Variants in WWP2 observed in about 807,000 individuals in gnomAD.
The protein encoded by WWP2 is WW domain containing E3 ubiquitin protein ligase 2.
WWP2 carries 57 observed loss-of-function variants against 121.0 expected under a neutral mutation model. The observed-to-expected ratio is 0.47, with a 90% CI of 0.38 to 0.59. The LOEUF (loss-of-function observed/expected upper bound fraction) is 0.59. Ranked by LOEUF, WWP2 falls within the 20% of genes least tolerant of loss-of-function variation. The pLI, the probability that WWP2 is intolerant of heterozygous loss-of-function variation, is 0.00. For synonymous variants in WWP2, 449 were observed against 441.3 expected, an observed-to-expected ratio of 1.02 and a Z score of -0.22; for missense variants, 962 against 1,158.9, an observed-to-expected ratio of 0.83 and a Z score of 2.47.
At chr16:69,931,475 T>A in intron 14 of WWP2, 34 bp from the exon 15 acceptor site, 1 of 1,612,122 alleles carries the variant, frequency 6.2e-7, no homozygotes, top group Non-Finnish European at 8.5e-7. Flanking sequence ...CACTTGAGGC[T>A]CGATTTAAAG....
chr16:69,828,849 A>G (rs2056747984), intron 4 of WWP2, among the ~76,000 whole-genome samples: 1 of 151,816 alleles, frequency 6.6e-6, no homozygotes, highest in Non-Finnish European at 1.5e-5. Context: ...CTTCCTCTCT[A>G]TGCAAACCAC....
At chr16:69,923,173 A>G (rs1221026336) in intron 10 of WWP2, among the ~76,000 whole-genome samples, 1 of 152,060 alleles carries the variant, frequency 6.6e-6, no homozygotes, top group Non-Finnish European at 1.5e-5. Context: ...CACCAGCCTG[A>G]GCCACGGCAC....
At chr16:69,785,186 T>C (rs1192125813) in intron 1 of WWP2, among the ~76,000 whole-genome samples, 1 of 149,562 alleles carries the variant, frequency 6.7e-6, no homozygotes, top group African/African-American at 2.5e-5. Context: ...TGAGCCGAGA[T>C]TGTGCTACTG....
chr16:69,809,724 C>CT (rs923711667), intron 4 of WWP2, among the ~76,000 whole-genome samples: 2 of 151,604 alleles, frequency 1.3e-5, no homozygotes, highest in Non-Finnish European at 2.9e-5. Flanking sequence ...GCCGAGATTG[C>CT]GCCATTGGAT....
At chr16:69,889,637 G>A (rs904117107) in intron 8 of WWP2, among the ~76,000 whole-genome samples, 1 of 152,182 alleles carries the variant, frequency 6.6e-6, no homozygotes, top group South Asian at 2.1e-4. Context: ...CCGAGTGGTT[G>A]TGAAGGGGCC....
At chr16:69,849,809 TA>T (rs141237458) in intron 6 of WWP2, among the ~76,000 whole-genome samples, 47 of 149,814 alleles carry the variant, frequency 3.1e-4, no homozygotes, top group African/African-American at 6.9e-4. Flanking sequence ...CCCTGTCTCT[TA>T]AAAAAAAAAT....
chr16:69,912,416 C>G (rs2058394058), intron 9 of WWP2, among the ~76,000 whole-genome samples: 1 of 148,686 alleles, frequency 6.7e-6, no homozygotes, highest in Non-Finnish European at 1.5e-5. Context: ...CACACAGCCT[C>G]ATGACTGCCT....
intron 9 of WWP2, chr16:69,909,398 C>T (rs1567424322): frequency 5.1e-6 from 5 of 985,882 alleles, no homozygotes; most frequent in African/African-American, 1.7e-5. Context: ...ATGCACACTT[C>T]CCCTGCCCTG....
intron 2 of WWP2, among the ~76,000 whole-genome samples, chr16:69,796,374 C>T (rs969543644): frequency 2.6e-5 from 4 of 152,174 alleles, no homozygotes; most frequent in Non-Finnish European, 5.9e-5. Context: ...CATAGCTTAG[C>T]CTAGCCTACC....
chr16:69,937,188 G>C lies in WWP2; in HGVS notation c.2188G>C (p.Glu730Gln). 6.2e-7 allele frequency: 1 copy of C among 1,614,012 alleles called. No individual in the cohort carries two copies. The highest frequency in any genetic ancestry group is 8.5e-7 in the Non-Finnish European group (1 of 1,180,026). ...CAAAGCCTTCCTGGATGGCTTCAAC[G>C]AGGTGGCCCCGCTGGAGTGGCTGCG... ...QTKAFLDGFN[E>Q]VAPLEWLRYF... Residue 730 changes from glutamate (E) to glutamine (Q), a missense_variant, in exon 20 of 24, where the codon GAG becomes CAG. This residue lies in a region of WWP2 where 606 missense variants were observed against 772.6 expected (regional missense o/e 0.78). Transcript: ENST00000359154. The surrounding 1 kb of genome is among the most constrained non-coding windows in gnomAD (Gnocchi z 6.6).
At chr16:69,798,646 G>A in intron 2 of WWP2, 36 bp from the exon 3 acceptor site, 1 of 1,604,452 alleles carries the variant, frequency 6.2e-7, no homozygotes, top group Non-Finnish European at 8.5e-7. Context: ...GGAGCCCTGG[G>A]ACTCATCTTT....
At chr16:69,784,075 T>TTTTCTTTC (rs1363443752) in intron 1 of WWP2, among the ~76,000 whole-genome samples, 6 of 129,870 alleles carry the variant, frequency 4.6e-5, no homozygotes, top group Admixed American at 8.1e-5. Flanking sequence ...ACTCTTTTCT[T>TTTTCTTTC]TTTCTTTCTT....
intron 7 of WWP2, among the ~76,000 whole-genome samples, chr16:69,883,686 C>A (rs1449788109): frequency 6.6e-6 from 1 of 152,130 alleles, no homozygotes; most frequent in East Asian, 1.9e-4. Context: ...GTATTAAGCC[C>A]AGCATCGGTT....
chr16:69,794,868 C>T (rs576461786), intron 2 of WWP2, among the ~76,000 whole-genome samples: 1 of 152,244 alleles, frequency 6.6e-6, no homozygotes, highest in Non-Finnish European at 1.5e-5. Context: ...ATAGTAGCCA[C>T]AGGCAATTTG....
At chr16:69,890,016 A>G (rs1214504214) in intron 8 of WWP2, among the ~76,000 whole-genome samples, 1 of 151,818 alleles carries the variant, frequency 6.6e-6, no homozygotes, top group Non-Finnish European at 1.5e-5. Context: ...GTGCAGTAGT[A>G]CAGTCTTGGC....
rs546868069 is a variant in WWP2, at chr16:69,862,708, CTTT to C, written c.576-9072_576-9070del. On this transcript the variant is annotated intron_variant, in intron 6 of 23. Coordinates refer to ENST00000359154, the MANE Select transcript of WWP2 (RefSeq NM_001270454.2). ...CCTGGTATCCAGCCAGCCATGAATT[CTTT>C]TTTTTTTTTTTTTTTTTTTTTTTGG... Among the ~76,000 whole-genome samples, 586 of 76,494 alleles carry C rather than the reference CTTT, an allele frequency of 7.7e-3. 1 individual carries two copies. Among genetic ancestry groups the C allele is most frequent in the African/African-American group, 0.031 (538 of 17,268 alleles). The allele number at this position is 76,494 out of a possible 152,430, so 50.2% of individuals were successfully genotyped here.
At chr16:69,786,015 C>T (rs1445337634) in intron 1 of WWP2, 1 of 140,956 alleles carries the variant, frequency 7.1e-6, no homozygotes, top group Non-Finnish European at 1.6e-5. Context: ...GGATTACTGT[C>T]AGATTCTACT....
chr16:69,909,162 T>A, intron 9 of WWP2: 1 of 1,047,684 alleles, frequency 9.5e-7, no homozygotes, highest in Non-Finnish European at 1.1e-6. Flanking sequence ...CAGGGCTTCG[T>A]GAGAATGCCG....
intron 4 of WWP2, among the ~76,000 whole-genome samples, chr16:69,819,445 C>T (rs1162611691): frequency 2.0e-5 from 3 of 152,244 alleles, no homozygotes; most frequent in Non-Finnish European, 4.4e-5. Flanking sequence ...GCTGTTTCTC[C>T]AGCCCGGTGC....
Sources: gnomAD v4.1 joint callset for allele counts (sites outside exome capture counted in the v4.1 genomes callset) on GRCh38, gnomAD v4.1.1 for gene constraint, gnomAD v4.1.1 regional missense constraint, Gnocchi (gnomAD v3.1) non-coding constraint, MANE v1.5 for transcripts, NCBI Gene and HGNC (gene_info 2026-07-23, HGNC 2026-07-21) for gene names.